CILK1: variants seen among roughly 807,000 people sequenced by gnomAD.
CILK1 encodes serine/threonine-protein kinase ICK.
A neutral mutation model predicts 79.2 loss-of-function variants in CILK1; 47 were observed. That is an observed-to-expected ratio of 0.59 (90% CI 0.47 to 0.76). The LOEUF is 0.76. CILK1 is among the 30% of genes least tolerant of loss of function. CILK1 has a pLI of 0.00. For synonymous variants in CILK1, 266 were observed against 275.9 expected, an observed-to-expected ratio of 0.96 and a Z score of 0.36; for missense variants, 660 against 769.5, an observed-to-expected ratio of 0.86 and a Z score of 1.68.
At chr6:53,022,704 A>G (rs1765321470) in intron 5 of CILK1, among the ~76,000 whole-genome samples, 1 of 152,010 alleles carries the variant, frequency 6.6e-6, no homozygotes, top group African/African-American at 2.4e-5. Flanking sequence ...ATCCTCCAAC[A>G]CCTGTTTTGA....
At position 53,002,471 on chromosome 6, in the gene CILK1, T is replaced by C. The variant is rs762929915; in HGVS notation, c.*2678A>G. The stretch of plus-strand genomic sequence containing the variant: ...AGTAACAAAAAATAGAGGTAACAAG[T>C]AGCATTTTGTTTTCATGTAACAAGA... On this transcript the variant is annotated 3_prime_UTR_variant, in exon 14 of 14. Coordinates refer to ENST00000676107, the MANE Select transcript of CILK1 (RefSeq NM_014920.5). 2 of 152,188 alleles carry C rather than the reference T, an allele frequency of 1.3e-5. No homozygotes were observed. The allele number at this position is 152,188 out of a possible 1,614,324, so 9.4% of individuals were successfully genotyped here.
chr6:53,052,029 G>A (rs748518398), intron 1 of CILK1: 9 of 152,038 alleles, frequency 5.9e-5, no homozygotes, highest in Non-Finnish European at 1.3e-4. Flanking sequence ...CTATTGACCC[G>A]TCCTGTAAGT....
chr6:53,021,223 G>A (rs1188826459), intron 5 of CILK1, among the ~76,000 whole-genome samples: 1 of 152,094 alleles, frequency 6.6e-6, no homozygotes, highest in Non-Finnish European at 1.5e-5. Flanking sequence ...TACTCGGGAG[G>A]CTGAGGTGGG....
intron 9 of CILK1, 89 bp downstream of exon 9, chr6:53,013,573 A>T: frequency 7.9e-7 from 1 of 1,259,778 alleles, no homozygotes; most frequent in Non-Finnish European, 1.2e-6. Flanking sequence ...TGGACCCTGT[A>T]TACTGAAAAA....
chr6:53,027,632 T>C (rs555236207), intron 5 of CILK1, among the ~76,000 whole-genome samples: 2 of 152,320 alleles, frequency 1.3e-5, no homozygotes, highest in South Asian at 2.1e-4. Flanking sequence ...GAAAGGAATA[T>C]AGAGGTACAC....
chr6:53,035,318 A>G (rs975340419), intron 3 of CILK1, among the ~76,000 whole-genome samples: 1 of 150,122 alleles, frequency 6.7e-6, no homozygotes, highest in Non-Finnish European at 1.5e-5. Context: ...GAGCAGGTGG[A>G]AAAAAAAAGA....
At chr6:53,038,070 C>A in intron 2 of CILK1, 77 bp from the exon 3 acceptor site, 1 of 930,080 alleles carries the variant, frequency 1.1e-6, no homozygotes, top group African/African-American at 1.6e-5. Context: ...AAAATGCTTC[C>A]ATTCTGATCC....
rs139797215 is a variant in CILK1, at chr6:53,033,396, G to A, written c.157-742C>T. 1.9e-3 allele frequency among the ~76,000 whole-genome samples: 284 copies of A among 152,246 alleles called. 2 individuals carry two copies. The highest frequency in any genetic ancestry group is 5.9e-3 in the African/African-American group (247 of 41,538). On this transcript the variant is annotated intron_variant, in intron 3 of 13. Coordinates refer to ENST00000676107, the MANE Select transcript of CILK1 (RefSeq NM_014920.5). ...CCTTTCCTCTTCCTGGAACATGTGC[G>A]TACATGTGAGTATAGCCATGTGCAC...
rs771539689 is a variant in CILK1 at position 53,031,164 on chromosome 6, A to G, written c.279-20T>C. The G allele has an allele frequency of 2.7e-6, 4 of 1,491,920 alleles. No homozygotes were observed. Among genetic ancestry groups the G allele is most frequent in the Non-Finnish European group, 9.3e-7 (1 of 1,070,130 alleles). 92.4% of individuals were successfully genotyped at this position (1,491,920 alleles called of 1,614,324 possible). A position where few individuals can be genotyped will look rare whatever the true frequency, so the allele number is the denominator to read the frequency against. ...TTATTTCTGTATGAGGCAGAGGAAA[A>G]CAAAGTTATAAATCAAAGGCCAGAT... On this transcript the variant is annotated intron_variant, in intron 4 of 13. Coordinates refer to ENST00000676107, the MANE Select transcript of CILK1 (RefSeq NM_014920.5).
chr6:53,023,896 G>C (rs1014028372), intron 5 of CILK1, among the ~76,000 whole-genome samples: 1 of 152,144 alleles, frequency 6.6e-6, no homozygotes, highest in African/African-American at 2.4e-5. Flanking sequence ...TAATTACAGA[G>C]CCTAGAACCC....
At position 53,052,225 on chromosome 6, in the gene CILK1, CA is replaced by C. The variant is rs545374831; in HGVS notation, c.-173+9370del. On this transcript the variant is annotated intron_variant, in intron 1 of 13. Coordinates refer to ENST00000676107, the MANE Select transcript of CILK1 (RefSeq NM_014920.5). Reference sequence around the variant, plus strand: ...GCTTCATCCATGTCCCTGCAAAGGACATGATCTCATACCATTTTATAGCGGC... The same window carrying C: ...GCTTCATCCATGTCCCTGCAAAGGACTGATCTCATACCATTTTATAGCGGC... Among the ~76,000 whole-genome samples, 577 of 152,310 alleles carry C rather than the reference CA, an allele frequency of 3.8e-3. 2 individuals carry two copies. Among genetic ancestry groups the C allele is most frequent in the African/African-American group, 0.013 (558 of 41,562 alleles).
At chr6:53,053,825 C>T (rs1003315053) in intron 1 of CILK1, among the ~76,000 whole-genome samples, 3 of 152,176 alleles carry the variant, frequency 2.0e-5, no homozygotes, top group Non-Finnish European at 2.9e-5. Flanking sequence ...AAGTGAGGGA[C>T]TGGTTCCAGT....
chr6:53,054,657 C>T (rs2127469474), intron 1 of CILK1: 1 of 152,442 alleles, frequency 6.6e-6, no homozygotes, highest in East Asian at 1.9e-4. Flanking sequence ...AGTCCCCCTC[C>T]ATGCGGTCAG....
intron 5 of CILK1, among the ~76,000 whole-genome samples, chr6:53,020,813 AATGTGC>A (rs2127422387): frequency 6.6e-6 from 1 of 152,292 alleles, no homozygotes; most frequent in South Asian, 2.1e-4. Context: ...CTACATTTCT[AATGTGC>A]CTTCTCTACC....
chr6:53,047,464 C>CTTTTT (rs60611050), intron 1 of CILK1, among the ~76,000 whole-genome samples: 1 of 70,738 alleles, frequency 1.4e-5, no homozygotes, highest in East Asian at 4.2e-4. Context: ...CACTACCAGG[C>CTTTTT]TTTTTTTTTT....
At chr6:53,021,627 T>G (rs568070728) in intron 5 of CILK1, among the ~76,000 whole-genome samples, 27 of 152,320 alleles carry the variant, frequency 1.8e-4, no homozygotes, top group African/African-American at 6.5e-4. Context: ...CAACTCCTCA[T>G]TCTTTGTAAG....
At chr6:53,046,262 C>T (rs1767067364) in intron 1 of CILK1, among the ~76,000 whole-genome samples, 1 of 152,168 alleles carries the variant, frequency 6.6e-6, no homozygotes, top group African/African-American at 2.4e-5. Context: ...TTAATAGTAA[C>T]CTATATTACA....
intron 1 of CILK1, among the ~76,000 whole-genome samples, chr6:53,053,101 A>G (rs1450161350): frequency 6.6e-6 from 1 of 152,010 alleles, no homozygotes; most frequent in Non-Finnish European, 1.5e-5. Context: ...GAGAAGAAAA[A>G]TTGTTCTTTT....
chr6:53,051,284 A>G (rs1024722652), intron 1 of CILK1, among the ~76,000 whole-genome samples: 2 of 152,212 alleles, frequency 1.3e-5, no homozygotes, highest in East Asian at 1.9e-4. Flanking sequence ...TAAACTATAC[A>G]AAGTTTTCCT....
Sources: allele counts gnomAD v4.1 joint callset (sites outside exome capture counted in the v4.1 genomes callset), GRCh38; gene constraint gnomAD v4.1.1; transcripts MANE v1.5; gene names NCBI Gene and HGNC (gene_info 2026-07-23, HGNC 2026-07-21).